GKAP1: variants seen among roughly 807,000 people sequenced by gnomAD.
GKAP1 encodes the protein G kinase-anchoring protein 1.
In GKAP1, 31 loss-of-function variants were observed where a neutral mutation model predicts 56.7. That is an observed-to-expected ratio of 0.55 (90% CI 0.41 to 0.74). GKAP1 has a LOEUF of 0.74. Ranked by LOEUF, GKAP1 falls within the 30% of genes least tolerant of loss-of-function variation. GKAP1 has a pLI of 0.00. For synonymous variants in GKAP1, 151 were observed against 138.6 expected, an observed-to-expected ratio of 1.09 and a Z score of -0.63; for missense variants, 364 against 402.3, an observed-to-expected ratio of 0.90 and a Z score of 0.82.
chr9:83,761,045 A>G (rs1943561536), intron 8 of GKAP1, among the ~76,000 whole-genome samples: 1 of 152,038 alleles, frequency 6.6e-6, no homozygotes, highest in Admixed American at 6.6e-5. Context: ...AAATGAAGAA[A>G]GCAATACAAA....
At chr9:83,762,952 A>G (rs1943599238) in intron 8 of GKAP1, among the ~76,000 whole-genome samples, 1 of 152,220 alleles carries the variant, frequency 6.6e-6, no homozygotes, top group Admixed American at 6.5e-5. Flanking sequence ...TACCCGAAAG[A>G]AAGGAAATCA....
intron 3 of GKAP1, among the ~76,000 whole-genome samples, chr9:83,801,955 GC>G (rs1944338091): frequency 1.3e-5 from 2 of 152,068 alleles, no homozygotes; most frequent in African/African-American, 4.8e-5. Context: ...AACTGAAAAG[GC>G]TTTTTTCTAA....
intron 6 of GKAP1, among the ~76,000 whole-genome samples, chr9:83,783,403 T>C (rs1169427009): frequency 2.0e-5 from 3 of 152,224 alleles, no homozygotes; most frequent in Non-Finnish European, 4.4e-5. Flanking sequence ...ATACGGCTAA[T>C]GCAATTAAGA....
intron 8 of GKAP1, among the ~76,000 whole-genome samples, chr9:83,761,230 T>TA (rs566503179): frequency 1.3e-4 from 19 of 151,266 alleles, no homozygotes; most frequent in Middle Eastern, 3.4e-3. Context: ...AAAACACAGA[T>TA]AAAAAAAGAG....
intron 8 of GKAP1, among the ~76,000 whole-genome samples, chr9:83,765,417 G>A (rs997458622): frequency 6.6e-6 from 1 of 152,198 alleles, no homozygotes; most frequent in East Asian, 1.9e-4. Context: ...GGGGTCAAGA[G>A]CCCCCACACA....
chr9:83,746,577 C>T (rs1229927457), intron 10 of GKAP1, among the ~76,000 whole-genome samples: 2 of 152,060 alleles, frequency 1.3e-5, no homozygotes, highest in Non-Finnish European at 2.9e-5. Context: ...GTAGCAGGCG[C>T]CTGTAGTCCC....
intron 5 of GKAP1, among the ~76,000 whole-genome samples, chr9:83,785,563 C>T (rs2131294792): frequency 6.6e-6 from 1 of 152,294 alleles, no homozygotes; most frequent in Middle Eastern, 3.4e-3. Flanking sequence ...GCACATCTGT[C>T]TAAGTTGGAA....
chr9:83,740,849 A>G (rs933343299), intron 12 of GKAP1, among the ~76,000 whole-genome samples: 1 of 152,060 alleles, frequency 6.6e-6, no homozygotes, highest in African/African-American at 2.4e-5. Context: ...TCTTTTTCTG[A>G]CTATAATAAC....
chr9:83,799,109 G>A (rs1944292021), intron 4 of GKAP1, 76 bp downstream of exon 4: 2 of 1,246,628 alleles, frequency 1.6e-6, no homozygotes, highest in Admixed American at 1.8e-5. Context: ...GTGGTGACGT[G>A]AATTCAGAGG....
At chr9:83,748,218 T>C (rs563263318) in intron 10 of GKAP1, 91 bp downstream of exon 10, 26 of 803,366 alleles carry the variant, frequency 3.2e-5, no homozygotes, top group Non-Finnish European at 4.9e-5. Flanking sequence ...TCAAACACTT[T>C]TGTTGAGTTG....
intron 4 of GKAP1, among the ~76,000 whole-genome samples, chr9:83,790,594 C>A (rs1212167008): frequency 6.6e-6 from 1 of 151,756 alleles, no homozygotes; most frequent in Non-Finnish European, 1.5e-5. Context: ...ACCAGCCTGG[C>A]CAACATGGTG....
Position 83,782,060 on chromosome 9 carries a change from T to C in GKAP1, c.563-1656A>G, listed in dbSNP as rs143478381. On this transcript the variant is annotated intron_variant, in intron 6 of 12. Transcript: ENST00000376371. ...GGTTTCACTGTGTTAGCCAGGGTGG[T>C]CTTGATCTCCTAACCTCGTGATCCG... Among the ~76,000 whole-genome samples the C allele has an allele frequency of 2.5e-3, 384 of 152,130 alleles. 2 individuals are homozygous for C. The highest frequency in any genetic ancestry group is 9.0e-3 in the African/African-American group (374 of 41,522).
chr9:83,764,891 A>T (rs1255419634), intron 8 of GKAP1, among the ~76,000 whole-genome samples: 1 of 152,212 alleles, frequency 6.6e-6, no homozygotes, highest in Non-Finnish European at 1.5e-5. Flanking sequence ...AAAGTTCAGA[A>T]AATTTGCAGC....
intron 8 of GKAP1, among the ~76,000 whole-genome samples, chr9:83,759,154 C>T (rs1943527548): frequency 6.6e-6 from 1 of 152,202 alleles, no homozygotes; most frequent in Non-Finnish European, 1.5e-5. Flanking sequence ...TTTCCCTCCT[C>T]TTCTGAGGAT....
chr9:83,748,364 A>C lies in GKAP1; in HGVS notation c.849T>G (p.Tyr283Ter). Reference protein sequence around the residue: ...KNVITQWEAKYKEVKARNAQL... With the variant: ...KNVITQWEAK ...GTGCATTTCTTGCCTTTACTTCCTT[A>C]TACTTTGCCTAATAGTCAAAGAAAA... Residue 283 changes from tyrosine to a stop codon, truncating the protein, a stop_gained, in exon 10 of 13, where the codon TAT becomes TAG. Transcript: ENST00000376371. LOFTEE classifies it high-confidence loss of function. The C allele has an allele frequency of 6.4e-7, 1 of 1,573,346 alleles. No individual in the cohort carries two copies. The highest frequency in any genetic ancestry group is 8.7e-7 in the Non-Finnish European group (1 of 1,154,546).
intron 12 of GKAP1, 83 bp from the exon 13 acceptor site, chr9:83,739,827 G>A (rs1943177283): frequency 1.9e-6 from 2 of 1,065,268 alleles, no homozygotes; most frequent in Non-Finnish European, 2.8e-6. Flanking sequence ...TAGACCAAAG[G>A]CATCTTGGGG....
At chr9:83,812,237 ATATATACG>A (rs1383369243) in intron 2 of GKAP1, among the ~76,000 whole-genome samples, 2 of 149,134 alleles carry the variant, frequency 1.3e-5, no homozygotes, top group Admixed American at 6.7e-5. Context: ...ACATGTATAC[ATATATACG>A]TATATATGTA....
At chr9:83,810,527 A>G (rs1240030160) in intron 2 of GKAP1, among the ~76,000 whole-genome samples, 9 of 152,212 alleles carry the variant, frequency 5.9e-5, no homozygotes, top group Admixed American at 5.9e-4. Flanking sequence ...CATCTAGTTC[A>G]GTACAGACAC....
chr9:83,753,278 T>A lies in GKAP1; in HGVS notation c.820A>T (p.Asn274Tyr). ...RKDAEIQKLK[N>Y]VITQWEAKYK... Reference sequence around the variant, plus strand: ...CAAACCTCCCATTGAGTGATTACATTTTTCAGCTTCTGGATTTCAGCATCT... The same window carrying A: ...CAAACCTCCCATTGAGTGATTACATATTTCAGCTTCTGGATTTCAGCATCT... The change falls in exon 9 of 13, where the codon AAT becomes TAT. Residue 274 changes from asparagine to tyrosine, a missense_variant. Transcript: ENST00000376371. The A allele has an allele frequency of 6.2e-7, 1 of 1,605,828 alleles. No homozygotes were observed. The highest frequency in any genetic ancestry group is 8.5e-7 in the Non-Finnish European group (1 of 1,173,082).
Sources: allele counts gnomAD v4.1 joint callset (sites outside exome capture counted in the v4.1 genomes callset), GRCh38; gene constraint gnomAD v4.1.1; transcripts MANE v1.5; gene names NCBI Gene and HGNC (gene_info 2026-07-23, HGNC 2026-07-21).